The following MDGA2 variants were observed in gnomAD, a reference collection of about 807,000 sequenced individuals.
MDGA2 encodes MAM domain-containing glycosylphosphatidylinositol anchor protein 2.
Under a neutral mutation model 117.8 loss-of-function variants are expected in MDGA2, and 40 were observed. The observed-to-expected ratio is 0.34, with a 90% CI of 0.26 to 0.44. MDGA2 has a LOEUF of 0.44. Ranked by LOEUF, MDGA2 falls within the 20% of genes least tolerant of loss-of-function variation. The pLI is 1.00. For synonymous variants in MDGA2, 452 were observed against 439.0 expected (o/e 1.03, Z -0.37); for missense variants, 1,123 against 1,250.6 (o/e 0.90, Z 1.54).
chr14:47,483,558 T>C (rs966879242), intron 1 of MDGA2, among the ~76,000 whole-genome samples: 18 of 152,188 alleles, frequency 1.2e-4, no homozygotes, highest in Non-Finnish European at 1.8e-4. Context: ...AACAGAAAAC[T>C]GCTCTAAATC....
intron 8 of MDGA2, among the ~76,000 whole-genome samples, chr14:47,012,235 A>T (rs1887920024): frequency 6.6e-6 from 1 of 152,172 alleles, no homozygotes; most frequent in Non-Finnish European, 1.5e-5. Context: ...TTGTTTGCAT[A>T]AAATGATTTG....
intron 3 of MDGA2, among the ~76,000 whole-genome samples, chr14:47,209,142 T>C (rs527456854): frequency 6.6e-6 from 1 of 152,138 alleles, no homozygotes; most frequent in Non-Finnish European, 1.5e-5. Flanking sequence ...TGTAAACAAA[T>C]TTTTTAGATT....
Position 47,185,396 on chromosome 14 carries a change from T to C in MDGA2, c.595+32625A>G, listed in dbSNP as rs183257993. ...AGCACCCCTATGCTTTAGGTACTATTAATATTCCCATTTTGTAGTTAATGA... is the reference window on the plus strand; with the variant it reads ...AGCACCCCTATGCTTTAGGTACTATCAATATTCCCATTTTGTAGTTAATGA... On this transcript the variant is annotated intron_variant, in intron 3 of 16. Coordinates refer to ENST00000399232, the MANE Select transcript of MDGA2 (RefSeq NM_001113498.3). 5.1e-3 allele frequency among the ~76,000 whole-genome samples: 778 copies of C among 151,662 alleles called. 2 individuals are homozygous for C. Among genetic ancestry groups the C allele is most frequent in the Middle Eastern group, 0.011 (3 of 284 alleles).
chr14:47,545,501 T>C (rs1895445137), intron 1 of MDGA2, among the ~76,000 whole-genome samples: 3 of 152,176 alleles, frequency 2.0e-5, no homozygotes, highest in Non-Finnish European at 2.9e-5. Flanking sequence ...TGATTTGATA[T>C]ACATTATAAA....
chr14:47,584,714 A>C (rs10483564), intron 1 of MDGA2, among the ~76,000 whole-genome samples: 39,553 of 151,632 alleles, frequency 0.26, 6,026 homozygotes, highest in Non-Finnish European at 0.35. Flanking sequence ...TCCAATCTTC[A>C]GTGATTTCTT....
At chr14:47,447,214 G>A (rs567622889) in intron 1 of MDGA2, among the ~76,000 whole-genome samples, 6 of 152,230 alleles carry the variant, frequency 3.9e-5, no homozygotes, top group Non-Finnish European at 7.4e-5. Context: ...ATACTTTCCC[G>A]CATACCCTAC....
chr14:47,036,270 CAAAAAAAAAA>C (rs11310113), intron 7 of MDGA2, among the ~76,000 whole-genome samples: 3 of 74,444 alleles, frequency 4.0e-5, no homozygotes, highest in South Asian at 5.6e-4. Flanking sequence ...ACTCTGTCTC[CAAAAAAAAAA>C]AAAAAAAAAA....
At chr14:47,662,081 T>C (rs959826935) in intron 1 of MDGA2, among the ~76,000 whole-genome samples, 6 of 152,106 alleles carry the variant, frequency 3.9e-5, no homozygotes, top group Non-Finnish European at 5.9e-5. Context: ...CCATGAACAA[T>C]AGAAACATGA....
chr14:47,070,398 T>C (rs1890238304), intron 6 of MDGA2, among the ~76,000 whole-genome samples: 1 of 152,180 alleles, frequency 6.6e-6, no homozygotes, highest in South Asian at 2.1e-4. Flanking sequence ...AAAAATGTCT[T>C]TCTCAAGTAT....
chr14:46,847,287 T>C (rs950912587), intron 15 of MDGA2, among the ~76,000 whole-genome samples: 3 of 152,028 alleles, frequency 2.0e-5, no homozygotes, highest in African/African-American at 7.2e-5. Flanking sequence ...ATATGATAAA[T>C]ATGGAGTTTC....
rs145067000 is a variant in MDGA2 at position 47,253,138 on chromosome 14, T to C, written c.421-34943A>G. 2.6e-5 allele frequency among the ~76,000 whole-genome samples: 4 copies of C among 152,284 alleles called. No individual in the cohort carries two copies. In the East Asian group the frequency reaches 7.7e-4, roughly 29 times the overall value. ...GGATTATGGAAACTACAATTCAAGATGAGATTTGAGTGAGGACACAGCCAA... is the reference window on the plus strand; with the variant it reads ...GGATTATGGAAACTACAATTCAAGACGAGATTTGAGTGAGGACACAGCCAA... On this transcript the variant is annotated intron_variant, in intron 2 of 16. Transcript: ENST00000399232.
chr14:47,636,505 C>T lies in MDGA2; in HGVS notation c.280+38012G>A, dbSNP rs184883622. Reference sequence around the variant, plus strand: ...AGCATTAATAAATGCTTGAGTGGGCCGGGTGCAGTAGCTCACGCTTGTAAT... The same window carrying T: ...AGCATTAATAAATGCTTGAGTGGGCTGGGTGCAGTAGCTCACGCTTGTAAT... On this transcript the variant is annotated intron_variant, in intron 1 of 16. Coordinates refer to ENST00000399232, the MANE Select transcript of MDGA2 (RefSeq NM_001113498.3). Among the ~76,000 whole-genome samples, 381 of 152,116 alleles carry T rather than the reference C, an allele frequency of 2.5e-3. 1 individual carries two copies. Among genetic ancestry groups the T allele is most frequent in the Non-Finnish European group, 4.4e-3 (301 of 68,016 alleles).
chr14:47,132,915 C>G (rs1882274189), intron 4 of MDGA2, among the ~76,000 whole-genome samples: 1 of 151,806 alleles, frequency 6.6e-6, no homozygotes, highest in Non-Finnish European at 1.5e-5. Flanking sequence ...GACTGGAATA[C>G]TTAGTGACTT....
At chr14:47,448,602 G>A (rs1298001239) in intron 1 of MDGA2, among the ~76,000 whole-genome samples, 1 of 152,168 alleles carries the variant, frequency 6.6e-6, no homozygotes, top group Non-Finnish European at 1.5e-5. Flanking sequence ...CCCTAAGTTA[G>A]CAGGACAGAG....
intron 1 of MDGA2, among the ~76,000 whole-genome samples, chr14:47,594,520 A>G (rs1032220487): frequency 1.3e-5 from 2 of 152,224 alleles, no homozygotes; most frequent in African/African-American, 4.8e-5. Context: ...TTAAGTTTCA[A>G]TTTGAGCAAA....
chr14:47,429,687 T>C (rs1200205661), intron 1 of MDGA2, among the ~76,000 whole-genome samples: 1 of 152,090 alleles, frequency 6.6e-6, no homozygotes, highest in African/African-American at 2.4e-5. Flanking sequence ...GTGATGTATA[T>C]TTATTCATTG....
chr14:47,323,589 G>A (rs7147120), intron 1 of MDGA2, among the ~76,000 whole-genome samples: 50,772 of 151,700 alleles, frequency 0.33, 9,331 homozygotes, highest in Admixed American at 0.52. Context: ...CCAAGGTCAC[G>A]CCACTGCACT....
At chr14:47,593,428 G>T (rs1427098408) in intron 1 of MDGA2, among the ~76,000 whole-genome samples, 2 of 152,040 alleles carry the variant, frequency 1.3e-5, no homozygotes, top group South Asian at 4.1e-4. Flanking sequence ...ATACATGCAT[G>T]CGTTTGTTCA....
At chr14:47,254,019 C>G (rs1408731141) in intron 2 of MDGA2, among the ~76,000 whole-genome samples, 1 of 152,210 alleles carries the variant, frequency 6.6e-6, no homozygotes, top group Non-Finnish European at 1.5e-5. Flanking sequence ...TTAGCCATGG[C>G]TGGAGCTGAA....
Sources: gnomAD v4.1 joint callset for allele counts (sites outside exome capture counted in the v4.1 genomes callset) on GRCh38, gnomAD v4.1.1 for gene constraint, MANE v1.5 for transcripts, NCBI Gene and HGNC (gene_info 2026-07-23, HGNC 2026-07-21) for gene names.